Variants in KATNB1 observed in about 807,000 individuals in gnomAD.
KATNB1 encodes the protein katanin p80 WD40 repeat-containing subunit B1.
KATNB1 carries 38 observed loss-of-function variants against 82.3 expected under a neutral mutation model. The observed-to-expected ratio is 0.46, with a 90% CI of 0.36 to 0.61. The LOEUF is 0.61. Ranked by LOEUF, KATNB1 falls within the 20% of genes least tolerant of loss-of-function variation. KATNB1 has a pLI of 0.00. For missense variants in KATNB1, 749 were observed against 915.7 expected, an observed-to-expected ratio of 0.82 and a Z score of 2.35; for synonymous variants, 361 against 368.7, an observed-to-expected ratio of 0.98 and a Z score of 0.24.
At chr16:57,741,120 C>T (rs1408971026) in intron 2 of KATNB1, among the ~76,000 whole-genome samples, 1 of 152,162 alleles carries the variant, frequency 6.6e-6, no homozygotes, top group African/African-American at 2.4e-5. Context: ...GAATCTGAGC[C>T]GAAGCCCTGT....
intron 18 of KATNB1, 71 bp downstream of exon 18, chr16:57,756,137 T>C: frequency 6.5e-7 from 1 of 1,529,568 alleles, no homozygotes; most frequent in Non-Finnish European, 8.9e-7. Flanking sequence ...TCCAGAACCA[T>C]GGGAAGGACC....
chr16:57,741,385 A>T (rs1160714027), intron 2 of KATNB1, among the ~76,000 whole-genome samples: 1 of 152,274 alleles, frequency 6.6e-6, no homozygotes, highest in Non-Finnish European at 1.5e-5. Context: ...AATTTTAAAA[A>T]TTGCGTATAA....
chr16:57,752,928 G>C lies in KATNB1; in HGVS notation c.855G>C (p.Leu285Phe). Reference sequence around the variant, plus strand: ...ACCTGGCCATCTGCAATGACCAGTTGGTGAGAGAGCCATGGCACCCACCGC... The same window carrying C: ...ACCTGGCCATCTGCAATGACCAGTTCGTGAGAGAGCCATGGCACCCACCGC... ...VADLAICNDQLIGVAFSQSNV... is the reference protein window; with the variant it reads ...VADLAICNDQFIGVAFSQSNV... The change falls in exon 10 of 20, where the codon TTG becomes TTC. Residue 285 changes from leucine (L) to phenylalanine (F), a missense_variant and splice_region_variant. By Grantham distance (22) the Leu-to-Phe change is conservative. Transcript: ENST00000379661. 6.2e-7 allele frequency: 1 copy of C among 1,602,800 alleles called. No individual in the cohort carries two copies. Among genetic ancestry groups the C allele is most frequent in the East Asian group, 2.2e-5 (1 of 44,860 alleles).
At position 57,755,004 on chromosome 16, in the gene KATNB1, C is replaced by T; in HGVS notation, c.1296+7C>T. 2 of 1,613,982 alleles carry T rather than the reference C, an allele frequency of 1.2e-6. No homozygotes were observed. The highest frequency in any genetic ancestry group is 1.7e-6 in the Non-Finnish European group (2 of 1,180,022). ...GCAGTTCCCGGTGCCAAATGTATGTCCATGGAGGGAGCATGGTGTGGGGCC... is the reference window on the plus strand; with the variant it reads ...GCAGTTCCCGGTGCCAAATGTATGTTCATGGAGGGAGCATGGTGTGGGGCC... On this transcript the variant is annotated splice_region_variant and intron_variant, in intron 14 of 19. Transcript: ENST00000379661.
Position 57,756,817 on chromosome 16 carries a change from G to A in KATNB1, c.1839G>A (p.Leu613=), listed in dbSNP as rs1332115914. 17 of 1,568,494 alleles carry A rather than the reference G, an allele frequency of 1.1e-5. No individual in the cohort carries two copies. The highest frequency in any genetic ancestry group is 1.1e-4 in the African/African-American group (8 of 73,900). The change falls in exon 20 of 20, where the codon CTG becomes CTA. Residue 613 remains leucine, a synonymous_variant. Coordinates refer to ENST00000379661, the MANE Select transcript of KATNB1 (RefSeq NM_005886.3). ...TCAGGCACTGCCCTCTCTACAGGCT[G>A]CATAAGTGCCGGCTCTGCTACAAGC... The part of the protein sequence containing the change: ...VGVDISREER[L]HKCRLCYKQL...
rs1298132004 is a variant in KATNB1 at position 57,753,275 on chromosome 16, C to T, written c.1046+8C>T. On this transcript the variant is annotated splice_region_variant and intron_variant, in intron 11 of 19. Coordinates refer to ENST00000379661, the MANE Select transcript of KATNB1 (RefSeq NM_005886.3). ...CTGCAGCAAGCCTCAGAGGTGAGGG[C>T]CTGGGGGGCCTTCGGGGGCCCAGGA... 3.8e-6 allele frequency: 6 copies of T among 1,590,270 alleles called. No individual in the cohort carries two copies. In the African/African-American group the frequency reaches 5.4e-5, roughly 14 times the overall value.
In KATNB1 at chr16:57,757,087, T is replaced by C; in HGVS notation, c.*141T>C. The C allele has an allele frequency of 1.1e-6, 1 of 940,404 alleles. No homozygotes were observed. Among genetic ancestry groups the C allele is most frequent in the Non-Finnish European group, 1.5e-6 (1 of 686,388 alleles). The allele number at this position is 940,404 out of a possible 1,614,324, so 58.3% of individuals were successfully genotyped here. The stretch of plus-strand genomic sequence containing the variant: ...GTGGCCGTCCTGGAGGAGGTGATGC[T>C]GGTCCCTGGCCACCTCTACAGCCCT... On this transcript the variant is annotated 3_prime_UTR_variant, in exon 20 of 20. Transcript: ENST00000379661.
intron 4 of KATNB1, 74 bp downstream of exon 4, chr16:57,744,585 TC>T: frequency 8.0e-7 from 1 of 1,257,396 alleles, no homozygotes. Flanking sequence ...TACTGCTTCC[TC>T]CAGGAAGCCT....
chr16:57,756,327 T>C (rs1555586383), intron 18 of KATNB1, 29 bp from the exon 19 acceptor site: 2 of 1,586,990 alleles, frequency 1.3e-6, no homozygotes, highest in Admixed American at 1.7e-5. Flanking sequence ...CCTTGGTCCA[T>C]CTGTGACTTC....
intron 16 of KATNB1, 141 bp from the exon 17 acceptor site, chr16:57,755,700 A>C: frequency 1.0e-6 from 1 of 979,452 alleles, no homozygotes. Flanking sequence ...GCCTGGCCTT[A>C]CACTCATTGC....
chr16:57,738,072 C>T (rs1222737243), intron 2 of KATNB1, among the ~76,000 whole-genome samples: 5 of 152,154 alleles, frequency 3.3e-5, no homozygotes, highest in African/African-American at 1.2e-4. Flanking sequence ...TCAGACCCCC[C>T]GAAAGGATCT....
rs1039017522 is a variant in KATNB1, at chr16:57,753,392, G to A, written c.1050G>A (p.Val350=). 2 of 1,610,842 alleles carry A rather than the reference G, an allele frequency of 1.2e-6. No homozygotes were observed. The highest frequency in any genetic ancestry group is 1.7e-5 in the Admixed American group (1 of 59,896). ...GGGCTTGGCCTCACGCTCCCAGGGT[G>A]AAGCAGAACTCAGAGAGCGAGCGCC... ...PSTTCSKPQR[V]KQNSESERRS... is the part of the protein sequence containing the mutation. The change falls in exon 12 of 20, where the codon GTG becomes GTA. Residue 350 remains valine (V), a synonymous_variant. Transcript: ENST00000379661.
rs556601554 is a variant in KATNB1 at position 57,755,146 on chromosome 16, G to A, written c.1324G>A (p.Val442Ile). The A allele has an allele frequency of 3.7e-6, 6 of 1,612,674 alleles. No homozygotes were observed. In the African/African-American group the frequency reaches 6.7e-5, roughly 18 times the overall value. Reference protein sequence around the residue: ...NLEVLPRPPVVASTPAPKAEP... With the variant: ...NLEVLPRPPVIASTPAPKAEP... ...GGAGGTCCTGCCCCGGCCCCCAGTG[G>A]TTGCTTCCACACCTGCACCCAAGGC... Residue 442 changes from valine (V) to isoleucine (I), a missense_variant, in exon 15 of 20, where the codon GTT becomes ATT. Val to Ile is a conservative substitution (Grantham distance 29). Coordinates refer to ENST00000379661, the MANE Select transcript of KATNB1 (RefSeq NM_005886.3).
rs572921063 is a variant in KATNB1, at chr16:57,756,928, C to T, written c.1950C>T (p.Leu650=). ...HGSTFRELHL[L]MASLD ...GTACCTTCCGCGAGCTGCACCTGCT[C>T]ATGGCCAGTCTGGACTGAGGAAAGC... is the stretch of plus-strand genomic sequence containing the variant. Residue 650 remains leucine, a synonymous_variant, in exon 20 of 20, where the codon CTC becomes CTT. Transcript: ENST00000379661. 35 of 1,546,726 alleles carry T rather than the reference C, an allele frequency of 2.3e-5. No individual in the cohort carries two copies. Among genetic ancestry groups the T allele is most frequent in the Non-Finnish European group, 1.7e-6 (2 of 1,144,458 alleles).
intron 2 of KATNB1, among the ~76,000 whole-genome samples, chr16:57,740,920 G>A (rs1335867390): frequency 1.3e-5 from 2 of 152,224 alleles, no homozygotes; most frequent in South Asian, 2.1e-4. Flanking sequence ...ATGTCACGGA[G>A]CCCTCGCCTG....
intron 2 of KATNB1, among the ~76,000 whole-genome samples, chr16:57,739,370 T>G (rs1424013185): frequency 1.3e-5 from 2 of 152,220 alleles, no homozygotes; most frequent in African/African-American, 2.4e-5. Flanking sequence ...CGTTGAAACC[T>G]AGTACTTTGT....
Position 57,756,530 on chromosome 16 carries a change from C to T in KATNB1, c.1835+58C>T. The T allele has an allele frequency of 6.2e-6, 9 of 1,440,760 alleles. No individual in the cohort carries two copies. In the South Asian group the frequency reaches 1.1e-4, roughly 17 times the overall value. 89.2% of individuals were successfully genotyped at this position (1,440,760 alleles called of 1,614,324 possible). A position where few individuals can be genotyped will look rare whatever the true frequency, so the allele number is the denominator to read the frequency against. On this transcript the variant is annotated intron_variant, in intron 19 of 19. Transcript: ENST00000379661. ...GCCACAACAGGTGAGGGGACAAAGGCCTGGAGGCCTGGGCCCCTCTTACTG... is the reference window on the plus strand; with the variant it reads ...GCCACAACAGGTGAGGGGACAAAGGTCTGGAGGCCTGGGCCCCTCTTACTG...
In KATNB1 at chr16:57,741,620, G is replaced by T. The variant is rs998066298; in HGVS notation, c.41-67G>T. The T allele has an allele frequency of 9.1e-6, 14 of 1,544,678 alleles. No individual in the cohort carries two copies. The South Asian group carries it at 1.2e-4, about 14-fold the overall frequency. On this transcript the variant is annotated intron_variant, in intron 2 of 19. Transcript: ENST00000379661. ...GTTCCAAAGCGGGTAGCCGAGCAGG[G>T]TCACCCCTCCTTCACAAGGCCCCAT... is the stretch of plus-strand genomic sequence containing the variant.
In KATNB1 at chr16:57,755,090, C is replaced by T. The variant is rs565757408; in HGVS notation, c.1297-29C>T. 14 of 1,612,934 alleles carry T rather than the reference C, an allele frequency of 8.7e-6. No homozygotes were observed. The South Asian group carries it at 1.4e-4, about 16-fold the overall frequency. On this transcript the variant is annotated intron_variant, in intron 14 of 19. Transcript: ENST00000379661. ...GGGAGGCAGAGAGGGAGGCCCCAGGCCGGCAACCGCTGAGTTTCACACTTT... is the reference window on the plus strand; with the variant it reads ...GGGAGGCAGAGAGGGAGGCCCCAGGTCGGCAACCGCTGAGTTTCACACTTT...
Sources: gnomAD v4.1 joint callset for allele counts (sites outside exome capture counted in the v4.1 genomes callset) on GRCh38, gnomAD v4.1.1 for gene constraint, MANE v1.5 for transcripts, NCBI Gene and HGNC (gene_info 2026-07-23, HGNC 2026-07-21) for gene names.